The following GTF2IRD2B variants were observed in gnomAD, a reference collection of about 807,000 sequenced individuals.
GTF2IRD2B encodes general transcription factor II-I repeat domain-containing protein 2B.
Under a neutral mutation model 55.6 loss-of-function variants are expected in GTF2IRD2B, and 10 were observed. That is an observed-to-expected ratio of 0.18 (90% CI 0.11 to 0.31). The LOEUF is 0.31. Ranked by LOEUF, GTF2IRD2B falls within the 10% of genes least tolerant of loss-of-function variation. GTF2IRD2B has a pLI of 1.00. For synonymous variants in GTF2IRD2B, 107 were observed against 320.5 expected (o/e 0.33, Z 7.12); for missense variants, 206 against 802.7 (o/e 0.26, Z 8.98).
intron 11 of GTF2IRD2B, among the ~76,000 whole-genome samples, chr7:75,138,687 A>G (rs1808926110): frequency 1.6e-5 from 2 of 123,350 alleles, no homozygotes; most frequent in Admixed American, 8.1e-5. Flanking sequence ...TTAGCCAAGC[A>G]TGATGGTGCA....
At chr7:75,136,061 A>C (rs1554453490) in intron 10 of GTF2IRD2B, among the ~76,000 whole-genome samples, 2 of 79,846 alleles carry the variant, frequency 2.5e-5, no homozygotes, top group East Asian at 3.0e-4. Flanking sequence ...GGATTGCTTG[A>C]AACTAGGAGG....
chr7:75,105,746 G>C (rs1367056427), intron 1 of GTF2IRD2B, among the ~76,000 whole-genome samples: 1 of 152,310 alleles, frequency 6.6e-6, no homozygotes, highest in Non-Finnish European at 1.5e-5. Flanking sequence ...TTCTGTAACT[G>C]TCCAGACTGG....
At chr7:75,103,342 T>C (rs1807644145) in intron 1 of GTF2IRD2B, among the ~76,000 whole-genome samples, 1 of 151,376 alleles carries the variant, frequency 6.6e-6, no homozygotes, top group African/African-American at 2.4e-5. Context: ...ATAGACAAGA[T>C]GCCTGAGTAC....
rs1207194327 is a variant in GTF2IRD2B, at chr7:75,103,985, T to A, written c.-5-4975T>A. 2.7e-4 allele frequency among the ~76,000 whole-genome samples: 40 copies of A among 148,662 alleles called. No homozygotes were observed. The South Asian group carries it at 5.8e-3, about 21-fold the overall frequency. On this transcript the variant is annotated intron_variant, in intron 1 of 15. Coordinates refer to ENST00000472837, the MANE Select transcript of GTF2IRD2B (RefSeq NM_001003795.3). ...AGGCAGAGCTTGCAGTGCGCAGAGA[T>A]CATGCCACTGGGTGCAGTGCGCAGA...
At chr7:75,138,377 T>C (rs1808914916) in intron 11 of GTF2IRD2B, among the ~76,000 whole-genome samples, 1 of 136,968 alleles carries the variant, frequency 7.3e-6, no homozygotes, top group African/African-American at 2.8e-5. Context: ...ATACAAAAAT[T>C]AGAGCCGGGC....
chr7:75,121,712 G>GC (rs1418116612), intron 4 of GTF2IRD2B, among the ~76,000 whole-genome samples: 2 of 151,660 alleles, frequency 1.3e-5, no homozygotes, highest in African/African-American at 2.4e-5. Flanking sequence ...TCCTGCCTTG[G>GC]CCTCCCAAAA....
At chr7:75,145,688 G>A (rs1456894847) in intron 15 of GTF2IRD2B, among the ~76,000 whole-genome samples, 3 of 144,022 alleles carry the variant, frequency 2.1e-5, no homozygotes, top group African/African-American at 5.2e-5. Flanking sequence ...AGCTGAGATC[G>A]TGCCACTGCA....
chr7:75,137,199 T>C (rs1808868180), intron 11 of GTF2IRD2B, among the ~76,000 whole-genome samples: 1 of 143,678 alleles, frequency 7.0e-6, no homozygotes, highest in South Asian at 2.2e-4. Flanking sequence ...CGAGATTCCA[T>C]CTAAAAAAAA....
chr7:75,118,348 C>A (rs1183775968), intron 3 of GTF2IRD2B, among the ~76,000 whole-genome samples: 1 of 150,992 alleles, frequency 6.6e-6, no homozygotes, highest in Non-Finnish European at 1.5e-5. Flanking sequence ...TCCACCAGCA[C>A]CCCCAGAAAG....
In GTF2IRD2B at chr7:75,145,655, C is replaced by T. The variant is rs587627154; in HGVS notation, c.1246+1677C>T. Among the ~76,000 whole-genome samples the T allele has an allele frequency of 4.1e-5, 6 of 146,310 alleles. 1 individual carries two copies. In the Admixed American group the frequency reaches 4.1e-4, roughly 10 times the overall value. ...GGCTGAGGCAGGAAAATCACTTGAA[C>T]CAGGGAGTCGGGGGTTGCAGTGAGC... On this transcript the variant is annotated intron_variant, in intron 15 of 15. Coordinates refer to ENST00000472837, the MANE Select transcript of GTF2IRD2B (RefSeq NM_001003795.3).
chr7:75,119,953 C>G lies in GTF2IRD2B; in HGVS notation c.239-938C>G, dbSNP rs1554536751. Among the ~76,000 whole-genome samples, 3 of 127,452 alleles carry G rather than the reference C, an allele frequency of 2.4e-5. 1 individual carries two copies. Among genetic ancestry groups the G allele is most frequent in the Non-Finnish European group, 4.8e-5 (3 of 61,950 alleles). The allele number at this position is 127,452 out of a possible 152,430, so 83.6% of individuals were successfully genotyped here. On this transcript the variant is annotated intron_variant, in intron 3 of 15. Coordinates refer to ENST00000472837, the MANE Select transcript of GTF2IRD2B (RefSeq NM_001003795.3). ...ACCATTCTGGCTAACGTGGTGAAAC[C>G]CCATCTCTACTAAAAAATACAAAAA...
Position 75,136,771 on chromosome 7 carries a change from A to AT in GTF2IRD2B, c.806-5dup, listed in dbSNP as rs1278034295. On this transcript the variant is annotated splice_polypyrimidine_tract_variant and intron_variant, in intron 10 of 15. Transcript: ENST00000472837. ...CTTAATAATGAATGTCATTTTAGAC[A>AT]TTTTTTTTTCAAGATTCCACTCCGC... 447 of 445,108 alleles carry AT rather than the reference A, an allele frequency of 1.0e-3. No individual in the cohort carries two copies. Among genetic ancestry groups the AT allele is most frequent in the Middle Eastern group, 1.8e-3 (3 of 1,630 alleles). The allele number at this position is 445,108 out of a possible 1,614,324, so 27.6% of individuals were successfully genotyped here. A position where few individuals can be genotyped will look rare whatever the true frequency, so the allele number is the denominator to read the frequency against.
At chr7:75,103,686 C>T (rs1807659039) in intron 1 of GTF2IRD2B, among the ~76,000 whole-genome samples, 1 of 151,412 alleles carries the variant, frequency 6.6e-6, no homozygotes, top group East Asian at 1.9e-4. Context: ...TCGCCGTCCC[C>T]AGGGTGCCTT....
At position 75,122,187 on chromosome 7, in the gene GTF2IRD2B, G is replaced by A. The variant is rs1554536380; in HGVS notation, c.359-949G>A. Among the ~76,000 whole-genome samples the A allele has an allele frequency of 7.9e-5, 11 of 138,462 alleles. 1 individual carries two copies. The South Asian group carries it at 1.9e-3, about 24-fold the overall frequency. The allele number at this position is 138,462 out of a possible 152,430, so 90.8% of individuals were successfully genotyped here. A position where few individuals can be genotyped will look rare whatever the true frequency, so the allele number is the denominator to read the frequency against. On this transcript the variant is annotated intron_variant, in intron 4 of 15. Coordinates refer to ENST00000472837, the MANE Select transcript of GTF2IRD2B (RefSeq NM_001003795.3). ...CCTTGATCCCATTTTAGAGAGCCCCGCATCAAGGCCAGTGTATTGCTAAAG... is the reference window on the plus strand; with the variant it reads ...CCTTGATCCCATTTTAGAGAGCCCCACATCAAGGCCAGTGTATTGCTAAAG...
In GTF2IRD2B at chr7:75,149,123, G is replaced by A. The variant is rs587624850; in HGVS notation, c.2676G>A (p.Lys892=). 1.3e-6 allele frequency: 1 copy of A among 743,948 alleles called. No homozygotes were observed. The highest frequency in any genetic ancestry group is 1.4e-5 in the South Asian group (1 of 71,604). 46.1% of individuals were successfully genotyped at this position (743,948 alleles called of 1,614,324 possible). ...YDKVGIPEFY[K]YLWGSYPKYK... ...AGGTGGGAATACCAGAATTCTACAAGTACCTCTGGGGTAGCTACCCGAAAT... is the reference window on the plus strand; with the variant it reads ...AGGTGGGAATACCAGAATTCTACAAATACCTCTGGGGTAGCTACCCGAAAT... The change falls in exon 16 of 16, where the codon AAG becomes AAA. Residue 892 remains lysine (K), a synonymous_variant. Transcript: ENST00000472837.
chr7:75,105,584 T>C (rs1418664562), intron 1 of GTF2IRD2B, among the ~76,000 whole-genome samples: 1 of 152,306 alleles, frequency 6.6e-6, no homozygotes, highest in African/African-American at 2.4e-5. Flanking sequence ...AATAGAGATA[T>C]AGAGATTTAT....
At chr7:75,119,738 G>T (rs1808305600) in intron 3 of GTF2IRD2B, among the ~76,000 whole-genome samples, 1 of 127,822 alleles carries the variant, frequency 7.8e-6, no homozygotes, top group Non-Finnish European at 1.6e-5. Flanking sequence ...GGTGGGTAAG[G>T]GATGATAAAT....
intron 3 of GTF2IRD2B, among the ~76,000 whole-genome samples, chr7:75,114,194 G>A (rs1256622807): frequency 6.6e-5 from 10 of 150,668 alleles, no homozygotes; most frequent in East Asian, 4.0e-4. Context: ...CCACTATCAA[G>A]AAGACAGATT....
At chr7:75,106,125 G>C (rs1554450206) in intron 1 of GTF2IRD2B, among the ~76,000 whole-genome samples, 1 of 152,300 alleles carries the variant, frequency 6.6e-6, no homozygotes, top group South Asian at 2.1e-4. Context: ...AGTTTTGGTC[G>C]GGCTCAGTGG....
Sources: gnomAD v4.1 joint callset for allele counts (sites outside exome capture counted in the v4.1 genomes callset) on GRCh38, gnomAD v4.1.1 for gene constraint, MANE v1.5 for transcripts, NCBI Gene and HGNC (gene_info 2026-07-23, HGNC 2026-07-21) for gene names.